The following MN1 variants were observed in gnomAD, a reference collection of about 807,000 sequenced individuals.
MN1 encodes the protein MN1 proto-oncogene, transcriptional regulator.
In MN1, 19 loss-of-function variants were observed where a neutral mutation model predicts 86.9. The ratio of observed to expected loss-of-function variants is 0.22; its 90% CI spans 0.15 to 0.32. MN1 has a LOEUF of 0.32. Ranked by LOEUF, MN1 falls within the 10% of genes least tolerant of loss-of-function variation. The pLI is 1.00. For missense variants in MN1, 1,841 were observed against 1,862.0 expected (o/e 0.99, Z 0.21); for synonymous variants, 928 against 849.6 (o/e 1.09, Z -1.60).
chr22:27,799,956 G>A lies in MN1; in HGVS notation c.588C>T (p.Ser196=). 1.2e-6 allele frequency: 2 copies of A among 1,603,468 alleles called. No individual in the cohort carries two copies. The highest frequency in any genetic ancestry group is 1.7e-4 in the Middle Eastern group (1 of 6,048). The change falls in exon 1 of 2, where the codon AGC becomes AGT. Residue 196 remains serine (S), a synonymous_variant. Transcript: ENST00000302326. The part of the protein sequence containing the change: ...VPAPCLPLDQ[S]PNRAASFHGL... ...CGTGGAAGGAGGCGGCTCGGTTAGG[G>A]CTCTGGTCCAGCGGCAGGCATGGGG...
rs1386404274 is a variant in MN1, at chr22:27,800,086, T to C, written c.458A>G (p.Tyr153Cys). 1.9e-6 allele frequency: 3 copies of C among 1,594,542 alleles called. No individual in the cohort carries two copies. The highest frequency in any genetic ancestry group is 1.3e-5 in the African/African-American group (1 of 74,672). The change falls in exon 1 of 2, where the codon TAT becomes TGT. Residue 153 changes from tyrosine to cysteine, a missense_variant. By Grantham distance (194) the Tyr-to-Cys change is radical. Transcript: ENST00000302326. ...CCCCTGGCTCTCCGCCATGTGCTCA[T>C]AGCCCTCGGCGAAGGGCGGCTGGCT... ...LGSQPPFAEG[Y>C]EHMAESQGPE... is the part of the protein sequence containing the mutation.
Position 27,796,849 on chromosome 22 carries a change from T to C in MN1, c.3695A>G (p.Asp1232Gly). ...EHSAAWYMPA[D>G]KALVDSADDD... ...GTCCGCGCTGTCCACCAGGGCCTTG[T>C]CAGCGGGCATGTACCAGGCAGCGCT... The change falls in exon 1 of 2, where the codon GAC becomes GGC. Residue 1232 changes from aspartate to glycine, a missense_variant. Transcript: ENST00000302326. 1.2e-6 allele frequency: 2 copies of C among 1,612,978 alleles called. No homozygotes were observed. Among genetic ancestry groups the C allele is most frequent in the African/African-American group, 2.7e-5 (2 of 75,048 alleles).
In MN1 at chr22:27,749,415, GT is replaced by G; in HGVS notation, c.*1499del. On this transcript the variant is annotated 3_prime_UTR_variant, in exon 2 of 2. Transcript: ENST00000302326. Reference sequence around the variant, plus strand: ...TGAAATTAAATAGATAACCATCACGGTTATATATTTGGGTGAAGTGATATCA... The same window carrying G: ...TGAAATTAAATAGATAACCATCACGGTATATATTTGGGTGAAGTGATATCA... 8.6e-6 allele frequency: 2 copies of G among 231,688 alleles called. No homozygotes were observed. Among genetic ancestry groups the G allele is most frequent in the Middle Eastern group, 2.6e-3 (2 of 778 alleles). 14.4% of individuals were successfully genotyped at this position (231,688 alleles called of 1,614,324 possible). A position where few individuals can be genotyped will look rare whatever the true frequency, so the allele number is the denominator to read the frequency against.
At position 27,800,211 on chromosome 22, in the gene MN1, G is replaced by T. The variant is rs1325840496; in HGVS notation, c.333C>A (p.His111Gln). ...HPGSHHPHQH[H>Q]PHFGGNFGGP... is the part of the protein sequence containing the mutation. ...CACCGAAGTTGCCCCCAAAGTGGGGGTGATGCTGGTGGGGATGATGACTTC... is the reference window on the plus strand; with the variant it reads ...CACCGAAGTTGCCCCCAAAGTGGGGTTGATGCTGGTGGGGATGATGACTTC... The change falls in exon 1 of 2, where the codon CAC becomes CAA. Residue 111 changes from histidine (H) to glutamine (Q), a missense_variant. Coordinates refer to ENST00000302326, the MANE Select transcript of MN1 (RefSeq NM_002430.3). The T allele has an allele frequency of 6.4e-7, 1 of 1,573,060 alleles. No individual in the cohort carries two copies. The highest frequency in any genetic ancestry group is 1.4e-5 in the African/African-American group (1 of 73,782).
At chr22:27,783,616 G>A (rs1244584320) in intron 1 of MN1, among the ~76,000 whole-genome samples, 2 of 152,200 alleles carry the variant, frequency 1.3e-5, no homozygotes, top group Admixed American at 1.3e-4. Flanking sequence ...TGTGCTGTGT[G>A]ACCTTGGCCA....
chr22:27,785,756 C>G (rs1298897053), intron 1 of MN1, among the ~76,000 whole-genome samples: 5 of 148,052 alleles, frequency 3.4e-5, no homozygotes, highest in African/African-American at 7.4e-5. Context: ...GCCCCCCCCC[C>G]ATGGCCCCTC....
chr22:27,762,755 G>A (rs1932842923), intron 1 of MN1, among the ~76,000 whole-genome samples: 1 of 151,720 alleles, frequency 6.6e-6, no homozygotes, highest in African/African-American at 2.4e-5. Flanking sequence ...CCTGGCAAGT[G>A]GTAAGTCATT....
chr22:27,782,851 C>T (rs1320439069), intron 1 of MN1, among the ~76,000 whole-genome samples: 3 of 152,164 alleles, frequency 2.0e-5, no homozygotes, highest in Non-Finnish European at 4.4e-5. Context: ...CTATTTGGTC[C>T]TCACAATATT....
Position 27,800,478 on chromosome 22 carries a change from G to A in MN1, c.66C>T (p.Asn22=). 17 of 1,614,208 alleles carry A rather than the reference G, an allele frequency of 1.1e-5. No individual in the cohort carries two copies. The highest frequency in any genetic ancestry group is 1.4e-5 in the Non-Finnish European group (17 of 1,180,030). The change falls in exon 1 of 2, where the codon AAC becomes AAT. Residue 22 remains asparagine, a synonymous_variant. Transcript: ENST00000302326. The part of the protein sequence containing the change: ...NSRNAGQGER[N]FNETGLSMNT... ...TCATGCTCAGTCCGGTCTCGTTAAA[G>A]TTCCTCTCGCCCTGGCCAGCGTTCC...
At chr22:27,785,480 GT>G (rs986016037) in intron 1 of MN1, among the ~76,000 whole-genome samples, 2 of 152,156 alleles carry the variant, frequency 1.3e-5, no homozygotes, top group African/African-American at 4.8e-5. Flanking sequence ...TTTCCAAAAA[GT>G]TTTTTTAAAG....
intron 1 of MN1, among the ~76,000 whole-genome samples, chr22:27,783,965 G>A (rs954954087): frequency 6.6e-6 from 1 of 152,194 alleles, no homozygotes; most frequent in Non-Finnish European, 1.5e-5. Context: ...TGATGCCGCC[G>A]CAGGCTCCTG....
intron 1 of MN1, among the ~76,000 whole-genome samples, chr22:27,755,695 T>C (rs2146293797): frequency 6.6e-6 from 1 of 152,136 alleles, no homozygotes; most frequent in East Asian, 1.9e-4. Flanking sequence ...ACTGCAGAGG[T>C]TCAGTCTGCC....
chr22:27,799,037 G>C lies in MN1; in HGVS notation c.1507C>G (p.Pro503Ala). 3 of 1,611,768 alleles carry C rather than the reference G, an allele frequency of 1.9e-6. No homozygotes were observed. Among genetic ancestry groups the C allele is most frequent in the Non-Finnish European group, 2.5e-6 (3 of 1,179,196 alleles). The change falls in exon 1 of 2, where the codon CCC (proline) becomes GCC (alanine). Residue 503 changes from proline (P) to alanine (A), a missense_variant. Transcript: ENST00000302326. ...GLPGEFTPPVPDSFPSGPPLQ... is the reference protein window; with the variant it reads ...GLPGEFTPPVADSFPSGPPLQ... ...GGCGGCCCCGAAGGGAAGCTGTCGG[G>C]CACAGGCGGTGTGAACTCGCCGGGT... is the stretch of plus-strand genomic sequence containing the variant.
rs1933410792 is a variant in MN1 at position 27,800,357 on chromosome 22, T to C, written c.187A>G (p.Met63Val). 2 of 1,607,026 alleles carry C rather than the reference T, an allele frequency of 1.2e-6. No individual in the cohort carries two copies. Among genetic ancestry groups the C allele is most frequent in the Non-Finnish European group, 1.7e-6 (2 of 1,176,200 alleles). ...SALGEPPILG[M>V]NMEPYGFHAR... ...TGGAAGCCGTAGGGCTCCATGTTCATGCCCAAGATCGGGGGTTCGCCCAGC... is the reference window on the plus strand; with the variant it reads ...TGGAAGCCGTAGGGCTCCATGTTCACGCCCAAGATCGGGGGTTCGCCCAGC... The change falls in exon 1 of 2, where the codon ATG becomes GTG. Residue 63 changes from methionine (M) to valine (V), a missense_variant. Physicochemically the swap from Met to Val is conservative, Grantham distance 21. Coordinates refer to ENST00000302326, the MANE Select transcript of MN1 (RefSeq NM_002430.3).
intron 1 of MN1, among the ~76,000 whole-genome samples, chr22:27,773,532 C>T (rs1243234755): frequency 6.6e-6 from 1 of 152,230 alleles, no homozygotes; most frequent in Non-Finnish European, 1.5e-5. Flanking sequence ...CTCACCGCCT[C>T]CCTATGCCCA....
intron 1 of MN1, among the ~76,000 whole-genome samples, chr22:27,761,415 A>T (rs565602086): frequency 2.3e-4 from 32 of 140,632 alleles, no homozygotes; most frequent in East Asian, 6.4e-4. Context: ...TCTCTCTCTC[A>T]CACACACTTT....
At chr22:27,765,304 C>T (rs896261478) in intron 1 of MN1, among the ~76,000 whole-genome samples, 21 of 152,172 alleles carry the variant, frequency 1.4e-4, no homozygotes, top group Admixed American at 1.3e-3. Context: ...GAAATGTCCT[C>T]GTCATTTGCT....
At chr22:27,788,577 C>T (rs1405458639) in intron 1 of MN1, among the ~76,000 whole-genome samples, 2 of 151,810 alleles carry the variant, frequency 1.3e-5, no homozygotes, top group Non-Finnish European at 2.9e-5. Flanking sequence ...GATCCAAGGG[C>T]GTCTGAAAAC....
At position 27,750,404 on chromosome 22, in the gene MN1, A is replaced by T; in HGVS notation, c.*511T>A. ...TTTCACCCGGCAATATTCCAGAACT[A>T]CTATTCTCCAGGATTTCCATTTTAA... On this transcript the variant is annotated 3_prime_UTR_variant, in exon 2 of 2. Transcript: ENST00000302326. 1 of 230,178 alleles carries T rather than the reference A, an allele frequency of 4.3e-6. No homozygotes were observed. 14.3% of individuals were successfully genotyped at this position (230,178 alleles called of 1,614,324 possible). A position where few individuals can be genotyped will look rare whatever the true frequency, so the allele number is the denominator to read the frequency against.
Sources: allele counts gnomAD v4.1 joint callset (sites outside exome capture counted in the v4.1 genomes callset), GRCh38; gene constraint gnomAD v4.1.1; transcripts MANE v1.5; gene names NCBI Gene and HGNC (gene_info 2026-07-23, HGNC 2026-07-21).